NAA60: variants seen among roughly 807,000 people sequenced by gnomAD.
NAA60 encodes the protein N-alpha-acetyltransferase 60, NatF catalytic subunit.
A neutral mutation model predicts 26.1 loss-of-function variants in NAA60; 8 were observed. The observed-to-expected ratio is 0.31, with a 90% CI of 0.18 to 0.55. The LOEUF (loss-of-function observed/expected upper bound fraction) is 0.55, where lower values mean the gene tolerates loss of function less well. NAA60 is among the 20% of genes least tolerant of loss of function. The probability of loss-of-function intolerance (pLI) is 0.93; values close to 1 mark genes in which losing one functional copy is unlikely to be tolerated. For synonymous variants in NAA60, 131 were observed against 122.5 expected (o/e 1.07, Z -0.46); for missense variants, 290 against 311.3 (o/e 0.93, Z 0.51).
chr16:3,453,321 C>G (rs2034856548), intron 2 of NAA60, among the ~76,000 whole-genome samples: 1 of 151,992 alleles, frequency 6.6e-6, no homozygotes, highest in Admixed American at 6.5e-5. Flanking sequence ...TCGCTTGAAC[C>G]TGGGAGGTGT....
rs1433006743 is a variant in NAA60, at chr16:3,485,738, A to C, written c.*478A>C. On this transcript the variant is annotated 3_prime_UTR_variant, in exon 8 of 8. Transcript: ENST00000407558. ...AGCCTCGGAACAAGGGGGCGCAATA[A>C]AGGGAATGGCCCGTCCCCTTCCAGA... 2.2e-6 allele frequency: 1 copy of C among 454,822 alleles called. No individual in the cohort carries two copies. Among genetic ancestry groups the C allele is most frequent in the East Asian group, 7.0e-5 (1 of 14,354 alleles). 28.2% of individuals were successfully genotyped at this position (454,822 alleles called of 1,614,324 possible). A position where few individuals can be genotyped will look rare whatever the true frequency, so the allele number is the denominator to read the frequency against.
intron 4 of NAA60, among the ~76,000 whole-genome samples, chr16:3,481,625 G>A (rs1043744899): frequency 6.6e-6 from 1 of 152,222 alleles, no homozygotes; most frequent in South Asian, 2.1e-4. Context: ...CTGCACGCTG[G>A]CACTCATTCA....
rs58448098 is a variant in NAA60, at chr16:3,450,122, G to A, written c.-7+1582G>A. ...AAAATATTTGGCTCCTGACTGAAAGGGTTTTGATCCATGCATACATTAATA... is the reference window on the plus strand; with the variant it reads ...AAAATATTTGGCTCCTGACTGAAAGAGTTTTGATCCATGCATACATTAATA... On this transcript the variant is annotated intron_variant, in intron 2 of 7. Coordinates refer to ENST00000407558, the MANE Select transcript of NAA60 (RefSeq NM_001083601.3). The A allele has an allele frequency of 8.2e-3, 3,142 of 383,426 alleles. 88 individuals are homozygous for A. Among genetic ancestry groups the A allele is most frequent in the African/African-American group, 0.059 (2,854 of 48,334 alleles). The allele number at this position is 383,426 out of a possible 1,614,324, so 23.8% of individuals were successfully genotyped here.
intron 2 of NAA60, among the ~76,000 whole-genome samples, chr16:3,450,961 G>C (rs12443644): frequency 0.06 from 9,188 of 152,286 alleles, 367 homozygotes; most frequent in Admixed American, 0.084. Context: ...TTGTAAGTTA[G>C]AAGTCAATTA....
chr16:3,461,670 C>T (rs892038204), intron 2 of NAA60, among the ~76,000 whole-genome samples: 1 of 152,120 alleles, frequency 6.6e-6, no homozygotes, highest in African/African-American at 2.4e-5. Flanking sequence ...AATAAACATT[C>T]TAAACAAAGA....
chr16:3,443,715 G>A lies in NAA60; in HGVS notation c.-199G>A, dbSNP rs752311824. The A allele has an allele frequency of 4.1e-6, 6 of 1,465,826 alleles. No homozygotes were observed. Among genetic ancestry groups the A allele is most frequent in the African/African-American group, 1.4e-5 (1 of 70,040 alleles). The allele number at this position is 1,465,826 out of a possible 1,614,324, so 90.8% of individuals were successfully genotyped here. A position where few individuals can be genotyped will look rare whatever the true frequency, so the allele number is the denominator to read the frequency against. On this transcript the variant is annotated 5_prime_UTR_variant, in exon 1 of 8. Coordinates refer to ENST00000407558, the MANE Select transcript of NAA60 (RefSeq NM_001083601.3). ...TGGCGGGGTCTCCTCCGTGAGCTCC[G>A]GGCCTGTTTGCCTGCTGAAGTAGAG...
intron 5 of NAA60, chr16:3,482,894 G>C: frequency 1.9e-6 from 1 of 526,330 alleles, no homozygotes; most frequent in Non-Finnish European, 3.5e-6. Context: ...CACTTCTGCT[G>C]CCGCCACACG....
chr16:3,449,268 C>A (rs532481793), intron 2 of NAA60, among the ~76,000 whole-genome samples: 37 of 152,126 alleles, frequency 2.4e-4, no homozygotes, highest in Non-Finnish European at 2.9e-4. Context: ...TCTGTAATCC[C>A]AGCACTTTGG....
intron 2 of NAA60, chr16:3,458,217 C>T: frequency 1.0e-6 from 1 of 978,384 alleles, no homozygotes; most frequent in Non-Finnish European, 1.2e-6. Flanking sequence ...GGGCTCGGAC[C>T]TGCGGCGGGG....
chr16:3,476,091 C>G, intron 2 of NAA60, 131 bp from the exon 3 acceptor site: 1 of 649,776 alleles, frequency 1.5e-6, no homozygotes, highest in Non-Finnish European at 2.6e-6. Flanking sequence ...AGGCAGAGGC[C>G]TCTGAGTGCT....
chr16:3,456,319 C>T (rs978291296), intron 2 of NAA60, among the ~76,000 whole-genome samples: 5 of 152,182 alleles, frequency 3.3e-5, no homozygotes, highest in Non-Finnish European at 5.9e-5. Context: ...GCTCCTGGAC[C>T]GCAGACTGCA....
intron 1 of NAA60, among the ~76,000 whole-genome samples, chr16:3,446,073 T>G (rs1245767255): frequency 2.6e-5 from 4 of 152,232 alleles, no homozygotes; most frequent in Admixed American, 2.6e-4. Context: ...GACAATCTTT[T>G]GCAAGTTTTT....
At chr16:3,455,964 C>G (rs2034974186) in intron 2 of NAA60, among the ~76,000 whole-genome samples, 1 of 152,054 alleles carries the variant, frequency 6.6e-6, no homozygotes, top group African/African-American at 2.4e-5. Flanking sequence ...CTTGACCTCC[C>G]AAAGTGCTGG....
intron 2 of NAA60, among the ~76,000 whole-genome samples, chr16:3,451,625 G>T (rs977269369): frequency 2.6e-5 from 4 of 152,172 alleles, no homozygotes; most frequent in Non-Finnish European, 4.4e-5. Context: ...GAAAGGTAAA[G>T]AATAATACCT....
chr16:3,443,620 C>A, upstream of NAA60: 1 of 873,064 alleles, frequency 1.1e-6, no homozygotes, highest in Non-Finnish European at 1.6e-6. Flanking sequence ...TAACCGAGGA[C>A]CTGTAGCCAC....
At chr16:3,478,576 C>A (rs1490366855) in intron 3 of NAA60, among the ~76,000 whole-genome samples, 1 of 152,206 alleles carries the variant, frequency 6.6e-6, no homozygotes, top group Non-Finnish European at 1.5e-5. Flanking sequence ...CTGTTAATGA[C>A]CATGTCCTGG....
intron 2 of NAA60, among the ~76,000 whole-genome samples, chr16:3,454,024 C>T (rs889700603): frequency 3.9e-5 from 6 of 152,042 alleles, no homozygotes; most frequent in African/African-American, 1.5e-4. Flanking sequence ...TAAATGAGAG[C>T]CTGGGGATTG....
chr16:3,480,645 C>T (rs1596355668), intron 4 of NAA60, among the ~76,000 whole-genome samples: 1 of 147,444 alleles, frequency 6.8e-6, no homozygotes, highest in African/African-American at 2.5e-5. Context: ...GGCCTGGGCA[C>T]AGTGGCTCAC....
chr16:3,478,775 C>G (rs1285604711), intron 3 of NAA60, among the ~76,000 whole-genome samples: 1 of 152,142 alleles, frequency 6.6e-6, no homozygotes, highest in Non-Finnish European at 1.5e-5. Flanking sequence ...TCACTCCACT[C>G]CCCTAGTCTT....
Sources: allele counts gnomAD v4.1 joint callset (sites outside exome capture counted in the v4.1 genomes callset), GRCh38; gene constraint gnomAD v4.1.1; transcripts MANE v1.5; gene names NCBI Gene and HGNC (gene_info 2026-07-23, HGNC 2026-07-21).